Variants in SLC26A4 observed in about 807,000 individuals in gnomAD.
SLC26A4 encodes pendrin.
Under a neutral mutation model 90.4 loss-of-function variants are expected in SLC26A4, and 93 were observed. The ratio of observed to expected loss-of-function variants is 1.03; its 90% CI spans 0.87 to 1.22. The LOEUF is 1.22. Ranked by LOEUF, SLC26A4 falls within the 50% of genes most tolerant of loss-of-function variation. The pLI, the probability that SLC26A4 is intolerant of heterozygous loss-of-function variation, is 0.00. For missense variants in SLC26A4, 1,127 were observed against 946.2 expected (o/e 1.19, Z -2.51); for synonymous variants, 393 against 354.6 (o/e 1.11, Z -1.22).
chr7:107,690,911 A>T (rs543909909), intron 10 of SLC26A4, among the ~76,000 whole-genome samples: 9 of 152,020 alleles, frequency 5.9e-5, no homozygotes, highest in Admixed American at 5.9e-4. Context: ...AGCCATACTC[A>T]AAGGCCACTC....
Position 107,661,731 on chromosome 7 carries a change from C to T in SLC26A4, c.90C>T (p.Leu30=). 1 of 1,555,542 alleles carries T rather than the reference C, an allele frequency of 6.4e-7. No individual in the cohort carries two copies. ...TGTCGCGGCCGGTCTACAGCGAGCT[C>T]GCTTTCCAGCAACAGCACGAGCGGC... ...YMVSRPVYSE[L]AFQQQHERRL... is the part of the protein sequence containing the mutation. Residue 30 remains leucine, a synonymous_variant, in exon 2 of 21, where the codon CTC becomes CTT. Coordinates refer to ENST00000644269, the MANE Select transcript of SLC26A4 (RefSeq NM_000441.2). This position sits in a 1 kb window ranked among gnomAD's most constrained non-coding sequence, Gnocchi z 5.1.
chr7:107,707,397 GT>G (rs1300709108), intron 18 of SLC26A4, among the ~76,000 whole-genome samples: 1 of 152,166 alleles, frequency 6.6e-6, no homozygotes, highest in East Asian at 1.9e-4. Context: ...ATTTGTCAGA[GT>G]TCTTTTCATT....
intron 6 of SLC26A4, among the ~76,000 whole-genome samples, chr7:107,682,635 C>CA (rs561255298): frequency 1.5e-4 from 23 of 150,692 alleles, no homozygotes; most frequent in South Asian, 2.1e-4. Flanking sequence ...AATTGTGCCC[C>CA]AAAAAAAAGA....
intron 5 of SLC26A4, among the ~76,000 whole-genome samples, chr7:107,674,565 A>G (rs1000576464): frequency 7.2e-5 from 11 of 152,220 alleles, no homozygotes; most frequent in African/African-American, 2.7e-4. Flanking sequence ...GAGACAGAAA[A>G]AAGCACAGAA....
In SLC26A4 at chr7:107,684,823, A is replaced by G. The variant is rs895342340; in HGVS notation, c.1001+1286A>G. On this transcript the variant is annotated intron_variant, in intron 8 of 20. Transcript: ENST00000644269. The stretch of plus-strand genomic sequence containing the variant: ...TAGATAATTTCATTAGTTAGAAACA[A>G]TTACAGAAAAAGATACTTTACAGAT... Among the ~76,000 whole-genome samples the G allele has an allele frequency of 6.6e-4, 100 of 152,228 alleles. 1 individual carries two copies. Among genetic ancestry groups the G allele is most frequent in the Non-Finnish European group, 4.4e-5 (3 of 68,034 alleles).
intron 18 of SLC26A4, among the ~76,000 whole-genome samples, chr7:107,707,845 G>T (rs1453766045): frequency 6.6e-6 from 1 of 152,110 alleles, no homozygotes; most frequent in Non-Finnish European, 1.5e-5. Flanking sequence ...ACATCCCAAA[G>T]TTAGTTCAAG....
At chr7:107,663,018 T>C (rs1790604437) in intron 2 of SLC26A4, among the ~76,000 whole-genome samples, 2 of 152,058 alleles carry the variant, frequency 1.3e-5, no homozygotes, top group African/African-American at 4.8e-5. Flanking sequence ...GACCAGAAAA[T>C]AGGTTTTTGT....
At chr7:107,704,118 G>C (rs1320746316) in intron 17 of SLC26A4, among the ~76,000 whole-genome samples, 3 of 152,122 alleles carry the variant, frequency 2.0e-5, no homozygotes. Flanking sequence ...CTGTGCTATT[G>C]AGCGCTGGAT....
chr7:107,690,152 T>C lies in SLC26A4; in HGVS notation c.1178T>C (p.Ile393Thr). The C allele has an allele frequency of 6.2e-7, 1 of 1,612,472 alleles. No individual in the cohort carries two copies. ...TTCATTGCCTTTGGGATCAGCAACA[T>C]CTTCTCAGGATTCTTCTCTTGTTTT... The part of the protein sequence containing the change: ...QEFIAFGISN[I>T]FSGFFSCFVA... The change falls in exon 10 of 21, where the codon ATC becomes ACC. Residue 393 changes from isoleucine (I) to threonine (T), a missense_variant. By Grantham distance (89) the Ile-to-Thr change is moderately conservative (BLOSUM62 -1). Coordinates refer to ENST00000644269, the MANE Select transcript of SLC26A4 (RefSeq NM_000441.2).
intron 14 of SLC26A4, among the ~76,000 whole-genome samples, chr7:107,698,362 G>A (rs1178168869): frequency 6.6e-6 from 1 of 151,832 alleles, no homozygotes; most frequent in Non-Finnish European, 1.5e-5. Flanking sequence ...TCTTCACCCA[G>A]GCTGGAGTGC....
At chr7:107,691,504 AATAT>A (rs67649102) in intron 10 of SLC26A4, among the ~76,000 whole-genome samples, 6 of 132,240 alleles carry the variant, frequency 4.5e-5, no homozygotes, top group East Asian at 2.3e-4. Flanking sequence ...CTCTGTGTCA[AATAT>A]ATATATACAC....
intron 3 of SLC26A4, among the ~76,000 whole-genome samples, chr7:107,669,060 C>T (rs891778901): frequency 6.6e-6 from 1 of 152,092 alleles, no homozygotes; most frequent in South Asian, 2.1e-4. Context: ...TGGGTTCAAA[C>T]TATCCTTGTG....
intron 2 of SLC26A4, chr7:107,662,066 G>A (rs1790574792): frequency 9.0e-6 from 5 of 553,088 alleles, no homozygotes; most frequent in Non-Finnish European, 1.6e-5. Context: ...TAGGAGCCCC[G>A]TCTCTCTTTT....
intron 10 of SLC26A4, among the ~76,000 whole-genome samples, chr7:107,691,514 T>TAC (rs113976786): frequency 0.01 from 1,330 of 131,020 alleles, 19 homozygotes; most frequent in African/African-American, 0.032. Flanking sequence ...AATATATATA[T>TAC]ACACACACAC....
rs113413945 is a variant in SLC26A4 at position 107,717,148 on chromosome 7, G to A, written c.*1702G>A. 6.6e-6 allele frequency: 1 copy of A among 152,156 alleles called. No homozygotes were observed. The highest frequency in any genetic ancestry group is 1.5e-5 in the Non-Finnish European group (1 of 68,056). The allele number at this position is 152,156 out of a possible 1,614,324, so 9.4% of individuals were successfully genotyped here. A position where few individuals can be genotyped will look rare whatever the true frequency, so the allele number is the denominator to read the frequency against. On this transcript the variant is annotated 3_prime_UTR_variant, in exon 21 of 21. Transcript: ENST00000644269. ...CGAGGCGGGTGGATCACGAGGTCAG[G>A]AGATCGAGACCATCCTGGCTAACAT... is the stretch of plus-strand genomic sequence containing the variant.
chr7:107,676,576 G>A (rs1002198139), intron 6 of SLC26A4, among the ~76,000 whole-genome samples: 1 of 152,172 alleles, frequency 6.6e-6, no homozygotes, highest in African/African-American at 2.4e-5. Context: ...GAAAAATGGT[G>A]ATAATAGTAA....
intron 4 of SLC26A4, 110 bp from the exon 5 acceptor site, chr7:107,674,054 T>C (rs1790945203): frequency 8.7e-7 from 1 of 1,151,742 alleles, no homozygotes; most frequent in Middle Eastern, 2.8e-4. Flanking sequence ...GAACAAACAA[T>C]ATTTTCCTAG....
intron 8 of SLC26A4, among the ~76,000 whole-genome samples, chr7:107,687,559 G>A (rs1341959846): frequency 1.3e-5 from 2 of 152,166 alleles, no homozygotes; most frequent in East Asian, 3.8e-4. Flanking sequence ...CTGGGATGTG[G>A]TGGGTTTAAA....
chr7:107,678,869 A>T (rs756856046), intron 6 of SLC26A4, among the ~76,000 whole-genome samples: 32 of 152,188 alleles, frequency 2.1e-4, no homozygotes, highest in Non-Finnish European at 4.7e-4. Context: ...CAATAAATGC[A>T]GAGTAGTAGA....
Sources: gnomAD v4.1 joint callset for allele counts (sites outside exome capture counted in the v4.1 genomes callset) on GRCh38, gnomAD v4.1.1 for gene constraint, Gnocchi (gnomAD v3.1) non-coding constraint, MANE v1.5 for transcripts, NCBI Gene and HGNC (gene_info 2026-07-23, HGNC 2026-07-21) for gene names.